The following HPSE2 variants were observed in gnomAD, a reference collection of about 807,000 sequenced individuals.
The protein encoded by HPSE2 is heparanase 2 (inactive), also known as inactive heparanase-2.
Under a neutral mutation model 60.5 loss-of-function variants are expected in HPSE2, and 38 were observed. The ratio of observed to expected loss-of-function variants is 0.63; its 90% CI spans 0.48 to 0.82. HPSE2 has a LOEUF of 0.82. HPSE2 is among the 40% of genes least tolerant of loss of function. HPSE2 has a pLI of 0.00. For synonymous variants in HPSE2, 295 were observed against 293.2 expected, an observed-to-expected ratio of 1.01 and a Z score of -0.06; for missense variants, 713 against 740.4, an observed-to-expected ratio of 0.96 and a Z score of 0.43.
At chr10:99,283,670 A>T in the HPSE2 span, among the ~76,000 whole-genome samples, 1 of 152,138 alleles carries the variant, frequency 6.6e-6, no homozygotes, top group Non-Finnish European at 1.5e-5. Flanking sequence ...GAAAAAGGGG[A>T]CATTACTACT....
chr10:98,933,241 C>T (rs1954691181), intron 3 of HPSE2, among the ~76,000 whole-genome samples: 1 of 143,976 alleles, frequency 6.9e-6, no homozygotes, highest in South Asian at 2.1e-4. Flanking sequence ...CATTCAGGAG[C>T]AGGTTGTTCA....
In HPSE2 at chr10:98,658,577, G is replaced by T. The variant is rs181511890; in HGVS notation, c.1005-16637C>A. 2.0e-5 allele frequency among the ~76,000 whole-genome samples: 3 copies of T among 151,498 alleles called. No individual in the cohort carries two copies. In the East Asian group the frequency reaches 5.8e-4, roughly 29 times the overall value. On this transcript the variant is annotated intron_variant, in intron 6 of 11. Coordinates refer to ENST00000370552, the MANE Select transcript of HPSE2 (RefSeq NM_021828.5). ...TCTTTTTTTTTTTTAGGGTTGGTGA[G>T]CTTTATGTCCTATTTAAGAAATCTT... is the stretch of plus-strand genomic sequence containing the variant.
intron 3 of HPSE2, among the ~76,000 whole-genome samples, chr10:99,110,100 A>G (rs555066285): frequency 1.3e-5 from 2 of 152,360 alleles, no homozygotes; most frequent in African/African-American, 4.8e-5. Flanking sequence ...TAAGGATATT[A>G]GTTCGTTGGT....
intron 3 of HPSE2, among the ~76,000 whole-genome samples, chr10:99,064,039 G>T (rs1327265473): frequency 1.3e-5 from 2 of 152,172 alleles, no homozygotes; most frequent in Non-Finnish European, 2.9e-5. Flanking sequence ...GTTGCAGTGA[G>T]CTGAGATCGC....
chr10:98,732,833 G>A (rs770812790), intron 4 of HPSE2, among the ~76,000 whole-genome samples: 3 of 152,034 alleles, frequency 2.0e-5, no homozygotes, highest in Non-Finnish European at 4.4e-5. Flanking sequence ...TACAAAAGAC[G>A]AAGTAAAAAA....
intron 1 of HPSE2, among the ~76,000 whole-genome samples, chr10:99,234,251 C>T (rs1191539485): frequency 6.6e-6 from 1 of 152,150 alleles, no homozygotes; most frequent in African/African-American, 2.4e-5. Context: ...CCTCCGGCTA[C>T]CTTTCCTCCA....
At chr10:99,275,494 T>G in the HPSE2 span, among the ~76,000 whole-genome samples, 2 of 152,054 alleles carry the variant, frequency 1.3e-5, no homozygotes, top group East Asian at 1.9e-4. Context: ...ACACATAAAG[T>G]GGACTTTCTT....
intron 3 of HPSE2, among the ~76,000 whole-genome samples, chr10:98,999,766 G>C (rs1311408269): frequency 1.3e-5 from 2 of 152,128 alleles, no homozygotes; most frequent in Non-Finnish European, 2.9e-5. Context: ...TAGAAAAGAA[G>C]AGGGAACTAA....
intron 3 of HPSE2, among the ~76,000 whole-genome samples, chr10:99,117,079 G>A (rs1371555660): frequency 2.1e-4 from 32 of 152,006 alleles, no homozygotes; most frequent in Admixed American, 2.1e-3. Flanking sequence ...TTAAAAGCCA[G>A]AGAATACCTT....
intron 3 of HPSE2, among the ~76,000 whole-genome samples, chr10:98,913,219 C>A (rs775912320): frequency 2.3e-4 from 35 of 152,156 alleles, no homozygotes; most frequent in Non-Finnish European, 4.7e-4. Context: ...GCAACAACAT[C>A]AATTGCAAAT....
At chr10:98,948,297 C>CA (rs914013549) in intron 3 of HPSE2, among the ~76,000 whole-genome samples, 3 of 151,882 alleles carry the variant, frequency 2.0e-5, no homozygotes, top group South Asian at 2.1e-4. Context: ...ATAGATATGG[C>CA]AAAAAAGGTG....
chr10:99,292,598 A>G, the HPSE2 span, among the ~76,000 whole-genome samples: 976 of 152,366 alleles, frequency 6.4e-3, 8 homozygotes, highest in African/African-American at 0.022. Context: ...AGCCACACAT[A>G]TATTTTAAAA....
the HPSE2 span, among the ~76,000 whole-genome samples, chr10:99,289,762 T>G: frequency 1.8e-4 from 27 of 152,334 alleles, no homozygotes; most frequent in African/African-American, 6.3e-4. Context: ...AGTCAGAAGC[T>G]TATTTGTAAT....
chr10:98,658,633 T>A (rs534527472), intron 6 of HPSE2, among the ~76,000 whole-genome samples: 2 of 152,300 alleles, frequency 1.3e-5, no homozygotes, highest in African/African-American at 4.8e-5. Flanking sequence ...GAGTATTTTA[T>A]GCTTTCTTCC....
At chr10:98,730,786 T>A (rs960719426) in intron 4 of HPSE2, among the ~76,000 whole-genome samples, 1 of 152,146 alleles carries the variant, frequency 6.6e-6, no homozygotes, top group Non-Finnish European at 1.5e-5. Context: ...TATAGACACA[T>A]AACAACAACG....
chr10:98,863,753 C>T (rs947295037), intron 3 of HPSE2, among the ~76,000 whole-genome samples: 1 of 152,006 alleles, frequency 6.6e-6, no homozygotes, highest in Non-Finnish European at 1.5e-5. Flanking sequence ...GTATAATGAG[C>T]CTTTGCTAAT....
At chr10:98,800,330 C>CTGCA (rs1401977846) in intron 3 of HPSE2, among the ~76,000 whole-genome samples, 3 of 151,318 alleles carry the variant, frequency 2.0e-5, no homozygotes, top group African/African-American at 7.3e-5. Context: ...GATTGCACCA[C>CTGCA]TGCACTCTAC....
At chr10:99,197,777 T>G (rs183036467) in intron 2 of HPSE2, among the ~76,000 whole-genome samples, 5 of 152,244 alleles carry the variant, frequency 3.3e-5, no homozygotes, top group Admixed American at 3.3e-4. Flanking sequence ...ATGGTTACAA[T>G]GGGCCAGGCG....
intron 3 of HPSE2, among the ~76,000 whole-genome samples, chr10:98,798,303 A>G (rs1163292644): frequency 6.6e-6 from 1 of 152,242 alleles, no homozygotes; most frequent in Non-Finnish European, 1.5e-5. Context: ...CATCACCACC[A>G]CACCTGTCTT....
Sources: allele counts gnomAD v4.1 joint callset (sites outside exome capture counted in the v4.1 genomes callset), GRCh38; gene constraint gnomAD v4.1.1; transcripts MANE v1.5; gene names NCBI Gene and HGNC (gene_info 2026-07-23, HGNC 2026-07-21).